Variants in RBM46 observed in about 807,000 individuals in gnomAD.
The protein encoded by RBM46 is probable RNA-binding protein 46.
A neutral mutation model predicts 43.3 loss-of-function variants in RBM46; 12 were observed. That is an observed-to-expected ratio of 0.28 (90% confidence interval 0.18 to 0.45). RBM46 has a LOEUF of 0.45. Among genes scored for constraint, RBM46 ranks in the 20% least tolerant of loss-of-function variants. The pLI, the probability that RBM46 is intolerant of heterozygous loss-of-function variation, is 1.00. For missense variants in RBM46, 412 were observed against 639.1 expected (o/e 0.64, Z 3.83); for synonymous variants, 205 against 207.6 (o/e 0.99, Z 0.11).
intron 1 of RBM46, among the ~76,000 whole-genome samples, chr4:154,795,457 A>C (rs1176888402): frequency 6.6e-6 from 1 of 152,146 alleles, no homozygotes; most frequent in East Asian, 1.9e-4. Context: ...TGCCTTCTAA[A>C]GTATTTTTAT....
intron 4 of RBM46, chr4:154,826,685 TAG>T: frequency 1.2e-6 from 1 of 815,560 alleles, no homozygotes; most frequent in South Asian, 1.7e-5. Context: ...TTAGTTTAAT[TAG>T]AGTTTTATAA....
intron 1 of RBM46, among the ~76,000 whole-genome samples, chr4:154,787,827 A>G (rs1236197653): frequency 6.6e-6 from 1 of 152,158 alleles, no homozygotes; most frequent in East Asian, 1.9e-4. Flanking sequence ...CTATTTCTCC[A>G]CATCCTCTCC....
chr4:154,810,208 A>G (rs1384940027), intron 4 of RBM46, among the ~76,000 whole-genome samples: 1 of 152,122 alleles, frequency 6.6e-6, no homozygotes, highest in Non-Finnish European at 1.5e-5. Context: ...AACTTGTGTT[A>G]TTTTGTCAAA....
At chr4:154,815,641 A>T (rs182544013) in intron 4 of RBM46, among the ~76,000 whole-genome samples, 4 of 151,990 alleles carry the variant, frequency 2.6e-5, no homozygotes, top group Admixed American at 1.3e-4. Context: ...TTGCTCCTTC[A>T]TTTTATTGGT....
At chr4:154,783,830 TAAAATG>T (rs1217685252) in intron 1 of RBM46, among the ~76,000 whole-genome samples, 2 of 152,334 alleles carry the variant, frequency 1.3e-5, no homozygotes, top group Admixed American at 1.3e-4. Context: ...AAAAACAACT[TAAAATG>T]GAATTGAACT....
intron 4 of RBM46, chr4:154,820,455 A>G (rs1344318977): frequency 2.6e-6 from 3 of 1,141,120 alleles, no homozygotes; most frequent in South Asian, 1.5e-5. Context: ...TCTCTTAGGA[A>G]TATTAAGTAA....
Position 154,799,168 on chromosome 4 carries a change from AAAG to A in RBM46, c.1011_1013del (p.Glu338del). 6.2e-7 allele frequency: 1 copy of A among 1,614,176 alleles called. No homozygotes were observed. Among genetic ancestry groups the A allele is most frequent in the Non-Finnish European group, 8.5e-7 (1 of 1,180,038 alleles). Reference sequence around the variant, plus strand: ...TGAAAATCTGATTGTGTTTGCTAACAAAGAAGAGAGCCACCCAAAAACTCTAGG... The same window carrying A: ...TGAAAATCTGATTGTGTTTGCTAACAAAGAGAGCCACCCAAAAACTCTAGG... On this transcript the variant is annotated inframe_deletion, in exon 4 of 5. Transcript: ENST00000281722.
chr4:154,790,778 A>G (rs1309989392), intron 1 of RBM46, among the ~76,000 whole-genome samples: 1 of 152,204 alleles, frequency 6.6e-6, no homozygotes, highest in Non-Finnish European at 1.5e-5. Context: ...AGCGGGAAAA[A>G]TTAGCCATTT....
intron 4 of RBM46, among the ~76,000 whole-genome samples, chr4:154,821,918 C>T (rs1735739179): frequency 6.6e-6 from 1 of 151,606 alleles, no homozygotes; most frequent in Non-Finnish European, 1.5e-5. Context: ...GAGGTAGCAA[C>T]CTGTTTAATG....
intron 4 of RBM46, among the ~76,000 whole-genome samples, chr4:154,816,453 C>G (rs1178658087): frequency 6.6e-6 from 1 of 152,094 alleles, no homozygotes; most frequent in Non-Finnish European, 1.5e-5. Flanking sequence ...CTACATCTTT[C>G]TCCAGACTTA....
chr4:154,795,865 G>T (rs1165454096), intron 1 of RBM46, among the ~76,000 whole-genome samples: 1 of 152,036 alleles, frequency 6.6e-6, no homozygotes. Flanking sequence ...CTGATTTCAA[G>T]AAATATTTAG....
intron 4 of RBM46, among the ~76,000 whole-genome samples, chr4:154,806,776 G>A (rs1373309391): frequency 6.6e-6 from 1 of 151,788 alleles, no homozygotes. Flanking sequence ...CAAAACCAAG[G>A]TTTTTAGAAA....
chr4:154,827,229 G>GT, intron 4 of RBM46: 1 of 908,034 alleles, frequency 1.1e-6, no homozygotes, highest in Non-Finnish European at 1.3e-6. Flanking sequence ...GTTGATAATG[G>GT]TTTTTTGAAG....
rs974190829 is a variant in RBM46 at position 154,828,523 on chromosome 4, T to A, written c.*456T>A. 10 of 153,996 alleles carry A rather than the reference T, an allele frequency of 6.5e-5. No homozygotes were observed. Among genetic ancestry groups the A allele is most frequent in the African/African-American group, 2.4e-4 (10 of 41,444 alleles). The allele number at this position is 153,996 out of a possible 1,614,324, so 9.5% of individuals were successfully genotyped here. On this transcript the variant is annotated 3_prime_UTR_variant, in exon 5 of 5. Transcript: ENST00000281722. ...TGACCAGAAGCATCTAACCATTATG[T>A]AAAAAGAAATGATGAGACAAAAAGA...
chr4:154,796,635 A>C (rs1734366447), intron 1 of RBM46, 107 bp from the exon 2 acceptor site: 6 of 737,738 alleles, frequency 8.1e-6, no homozygotes, highest in Admixed American at 3.1e-5. Context: ...GGCTAATCAA[A>C]CATGCCAGCC....
chr4:154,824,954 A>G (rs940812894), intron 4 of RBM46, among the ~76,000 whole-genome samples: 2 of 152,152 alleles, frequency 1.3e-5, no homozygotes, highest in African/African-American at 4.8e-5. Flanking sequence ...TTGAGTATCA[A>G]TTACATAGAT....
Position 154,827,883 on chromosome 4 carries a change from G to T in RBM46, c.1418G>T (p.Arg473Leu). The change falls in exon 5 of 5, where the codon CGC becomes CTC. Residue 473 changes from arginine to leucine, a missense_variant. Coordinates refer to ENST00000281722, the MANE Select transcript of RBM46 (RefSeq NM_144979.5). Reference sequence around the variant, plus strand: ...TTATTTACAGACTACAATTTCCATCGCAGCTCAATAAATAGTCTTTCCCCT... The same window carrying T: ...TTATTTACAGACTACAATTTCCATCTCAGCTCAATAAATAGTCTTTCCCCT... ...TLLHLDYNFH[R>L]SSINSLSPVS... is the part of the protein sequence containing the mutation. 1.2e-6 allele frequency: 2 copies of T among 1,613,640 alleles called. No individual in the cohort carries two copies. Among genetic ancestry groups the T allele is most frequent in the Non-Finnish European group, 1.7e-6 (2 of 1,179,716 alleles).
chr4:154,809,434 T>C (rs113918294), intron 4 of RBM46, among the ~76,000 whole-genome samples: 3 of 152,260 alleles, frequency 2.0e-5, no homozygotes, highest in African/African-American at 7.2e-5. Context: ...ATTCTGAAAT[T>C]ATTTATAATG....
chr4:154,790,364 T>C (rs1734021611), intron 1 of RBM46: 1 of 152,206 alleles, frequency 6.6e-6, no homozygotes, highest in Non-Finnish European at 1.5e-5. Context: ...GATTCTGATA[T>C]GTTGTGCTGA....
Sources: allele counts gnomAD v4.1 joint callset (sites outside exome capture counted in the v4.1 genomes callset), GRCh38; gene constraint gnomAD v4.1.1; transcripts MANE v1.5; gene names NCBI Gene and HGNC (gene_info 2026-07-23, HGNC 2026-07-21).